The following DMD variants were observed in gnomAD, a reference collection of about 807,000 sequenced individuals.
DMD encodes mutant dystrophin.
DMD carries 63 observed loss-of-function variants against 330.1 expected under a neutral mutation model. The ratio of observed to expected loss-of-function variants is 0.19; its 90% confidence interval spans 0.16 to 0.24. The LOEUF is 0.24. Ranked by LOEUF, DMD falls within the 10% of genes least tolerant of loss-of-function variation. The pLI is 1.00. For missense variants in DMD, 3,344 were observed against 2,684.1 expected, an observed-to-expected ratio of 1.25 and a Z score of -5.43; for synonymous variants, 1,223 against 959.8, an observed-to-expected ratio of 1.27 and a Z score of -5.07.
At chrX:32,336,059 T>C (rs185566879) in intron 41 of DMD, among the ~76,000 whole-genome samples, 99 of 106,069 alleles carry the variant, frequency 9.3e-4, no homozygotes, top group African/African-American at 3.2e-3. Context: ...TATAACGTTA[T>C]ATATAACGTG....
intron 1 of DMD, among the ~76,000 whole-genome samples, chrX:33,037,378 C>A (rs2094222344): frequency 9.2e-6 from 1 of 109,217 alleles, no homozygotes; most frequent in Non-Finnish European, 1.9e-5. Context: ...AAAAAAAAAA[C>A]CCTGATGTCA....
At chrX:32,068,525 A>G (rs150264421) in intron 44 of DMD, among the ~76,000 whole-genome samples, 3,400 of 109,552 alleles carry the variant, frequency 0.031, 57 homozygotes, top group Non-Finnish European at 0.047. Flanking sequence ...CCATTTCCCA[A>G]TGCTTATTTT....
At chrX:31,642,819 AAT>A (rs2079849551) in intron 54 of DMD, among the ~76,000 whole-genome samples, 2 of 112,027 alleles carry the variant, frequency 1.8e-5, no homozygotes. Flanking sequence ...TTTACTTGGA[AAT>A]ATGTTTGAAG....
At chrX:32,894,472 A>T (rs1397805191) in intron 2 of DMD, among the ~76,000 whole-genome samples, 1 of 112,612 alleles carries the variant, frequency 8.9e-6, no homozygotes, top group Non-Finnish European at 1.9e-5. Flanking sequence ...GAGCGGGCAA[A>T]CCAACGCTGC....
chrX:31,512,012 A>T (rs1182301345), intron 55 of DMD, among the ~76,000 whole-genome samples: 7 of 108,998 alleles, frequency 6.4e-5, no homozygotes, highest in Middle Eastern at 4.6e-3. Context: ...CCTGACTTTT[A>T]AATGATTGCC....
At chrX:32,989,545 C>A (rs1432132960) in intron 2 of DMD, among the ~76,000 whole-genome samples, 1 of 111,414 alleles carries the variant, frequency 9.0e-6, no homozygotes, top group South Asian at 3.7e-4. Flanking sequence ...GACCTTCACA[C>A]GAAAAGAATG....
At position 32,165,077 on chromosome X, in the gene DMD, C is replaced by T. The variant is rs183073955; in HGVS notation, c.6438+51839G>A. Among the ~76,000 whole-genome samples the T allele has an allele frequency of 7.1e-5, 8 of 112,460 alleles. No individual in the cohort carries two copies. The East Asian group carries it at 1.4e-3, about 20-fold the overall frequency. ...GGAATGAAGACCTCATGGAGAACCT[C>T]GGCTAGGACAGTGTGGAAGGGAAAT... On this transcript the variant is annotated intron_variant, in intron 44 of 78. Coordinates refer to ENST00000357033, the MANE Select transcript of DMD (RefSeq NM_004006.3).
intron 25 of DMD, among the ~76,000 whole-genome samples, chrX:32,460,956 T>C (rs1297066146): frequency 8.9e-6 from 1 of 111,975 alleles, no homozygotes; most frequent in Admixed American, 9.5e-5. Flanking sequence ...CCCTCACTTA[T>C]ATCTGATCAT....
At chrX:32,068,985 C>A (rs2147771583) in intron 44 of DMD, among the ~76,000 whole-genome samples, 1 of 111,690 alleles carries the variant, frequency 9.0e-6, no homozygotes, top group East Asian at 2.8e-4. Context: ...AGTCATTTGG[C>A]CCTTCTGTAA....
At chrX:32,461,663 T>G (rs2098383686) in intron 25 of DMD, among the ~76,000 whole-genome samples, 1 of 110,892 alleles carries the variant, frequency 9.0e-6, no homozygotes, top group Admixed American at 9.6e-5. Context: ...CTTTTTTTTT[T>G]TGGCTGATGT....
intron 51 of DMD, among the ~76,000 whole-genome samples, chrX:31,767,018 A>C (rs745860646): frequency 9.0e-6 from 1 of 110,966 alleles, no homozygotes; most frequent in South Asian, 3.8e-4. Context: ...GTTGAAGATA[A>C]TAGTGGATTT....
At chrX:32,024,486 C>CA (rs71872956) in intron 44 of DMD, among the ~76,000 whole-genome samples, 784 of 61,536 alleles carry the variant, frequency 0.013, 11 homozygotes, top group African/African-American at 0.037. Context: ...AACTCCCTCT[C>CA]AAAAAAAAAA....
At chrX:32,898,335 C>T (rs987426144) in intron 2 of DMD, among the ~76,000 whole-genome samples, 5 of 112,173 alleles carry the variant, frequency 4.5e-5, no homozygotes, top group Non-Finnish European at 7.5e-5. Flanking sequence ...GCCTGAGATA[C>T]ATTTGGCTAG....
chrX:32,324,858 C>A (rs16990223), intron 41 of DMD, among the ~76,000 whole-genome samples: 1 of 111,147 alleles, frequency 9.0e-6, no homozygotes, highest in Non-Finnish European at 1.9e-5. Context: ...CTTGGGACAT[C>A]AAAAATTACA....
At chrX:32,438,904 A>G in intron 28 of DMD, among the ~76,000 whole-genome samples, 1 of 111,656 alleles carries the variant, frequency 9.0e-6, no homozygotes, top group Middle Eastern at 4.6e-3. Context: ...GCCTCATAAT[A>G]TGGCTGAACC....
intron 7 of DMD, among the ~76,000 whole-genome samples, chrX:32,808,770 G>C (rs2077134115): frequency 8.9e-6 from 1 of 111,830 alleles, no homozygotes; most frequent in African/African-American, 3.2e-5. Context: ...GTGTAGTAAA[G>C]CCTTGAGAAT....
intron 7 of DMD, among the ~76,000 whole-genome samples, chrX:32,715,195 T>G (rs1236704762): frequency 9.0e-6 from 1 of 111,160 alleles, no homozygotes; most frequent in African/African-American, 3.3e-5. Flanking sequence ...AAGGAGATCT[T>G]GGGCCAGGCG....
chrX:31,569,554 GTT>G (rs1337437752), intron 55 of DMD, among the ~76,000 whole-genome samples: 46 of 93,869 alleles, frequency 4.9e-4, no homozygotes, highest in African/African-American at 1.6e-3. Flanking sequence ...ATTCTAGAGT[GTT>G]TTTTATATAT....
intron 13 of DMD, among the ~76,000 whole-genome samples, chrX:32,580,718 A>AT (rs903540597): frequency 7.2e-5 from 8 of 111,306 alleles, no homozygotes; most frequent in East Asian, 2.8e-4. Flanking sequence ...ATTAATGATA[A>AT]TTTTTTTTGC....
Sources: allele counts gnomAD v4.1 joint callset (sites outside exome capture counted in the v4.1 genomes callset), GRCh38; gene constraint gnomAD v4.1.1; transcripts MANE v1.5; gene names NCBI Gene and HGNC (gene_info 2026-07-23, HGNC 2026-07-21).